MAPK10: variants seen among roughly 807,000 people sequenced by gnomAD.
MAPK10 encodes JNK3 alpha protein kinase.
Under a neutral mutation model 59.3 loss-of-function variants are expected in MAPK10, and 25 were observed. The observed-to-expected ratio is 0.42, with a 90% confidence interval of 0.31 to 0.59. The LOEUF (loss-of-function observed/expected upper bound fraction) is 0.59. MAPK10 is among the 20% of genes least tolerant of loss of function. The pLI is 0.15. For synonymous variants in MAPK10, 190 were observed against 200.5 expected (o/e 0.95, Z 0.44); for missense variants, 351 against 568.9 (o/e 0.62, Z 3.90).
chr4:86,502,086 TA>T (rs1755372465), intron 1 of MAPK10, among the ~76,000 whole-genome samples: 1 of 152,080 alleles, frequency 6.6e-6, no homozygotes, highest in Non-Finnish European at 1.5e-5. Context: ...AGTTCAAGTA[TA>T]AAGTCATCCA....
Position 86,591,617 on chromosome 4 carries a change from G to A in MAPK10, c.-263+2293C>T, listed in dbSNP as rs553551062. Among the ~76,000 whole-genome samples the A allele has an allele frequency of 2.0e-5, 3 of 152,198 alleles. No individual in the cohort carries two copies. In the South Asian group the frequency reaches 6.2e-4, roughly 32 times the overall value. Reference sequence around the variant, plus strand: ...TTGAACTCCTGGACTCAAGTGATCTGTCCACTTCAGCCTCCCAGAGTGTTG... The same window carrying A: ...TTGAACTCCTGGACTCAAGTGATCTATCCACTTCAGCCTCCCAGAGTGTTG... On this transcript the variant is annotated intron_variant, in intron 1 of 4. Transcript: ENST00000502302.
intron 2 of MAPK10, among the ~76,000 whole-genome samples, chr4:86,323,777 T>C (rs1051419706): frequency 3.3e-5 from 5 of 152,356 alleles, no homozygotes; most frequent in East Asian, 3.9e-4. Flanking sequence ...CAAAAGTCGA[T>C]TTCAGAATAA....
At chr4:86,497,817 C>G (rs1754990552) in intron 1 of MAPK10, among the ~76,000 whole-genome samples, 1 of 152,168 alleles carries the variant, frequency 6.6e-6, no homozygotes, top group Non-Finnish European at 1.5e-5. Flanking sequence ...CACTCCACTC[C>G]TCAGTCCCTA....
intron 2 of MAPK10, among the ~76,000 whole-genome samples, chr4:86,261,961 T>C (rs2094000985): frequency 6.6e-6 from 1 of 152,256 alleles, no homozygotes; most frequent in African/African-American, 2.4e-5. Context: ...AAGGTTCTTG[T>C]CCCATATGCT....
chr4:86,493,694 T>C (rs961744611), intron 1 of MAPK10, among the ~76,000 whole-genome samples: 1 of 152,224 alleles, frequency 6.6e-6, no homozygotes, highest in African/African-American at 2.4e-5. Flanking sequence ...GCTTTTCTCT[T>C]TAGTTCTAAG....
At chr4:86,127,374 C>T (rs116272950) in intron 4 of MAPK10, among the ~76,000 whole-genome samples, 2,902 of 151,988 alleles carry the variant, frequency 0.019, 40 homozygotes, top group South Asian at 0.065. Context: ...TTGATGTACT[C>T]CTAACACCAG....
chr4:86,334,674 T>C (rs543423593), intron 2 of MAPK10, among the ~76,000 whole-genome samples: 8 of 152,140 alleles, frequency 5.3e-5, no homozygotes, highest in African/African-American at 1.4e-4. Context: ...CATCTGACTA[T>C]TCCTATCCAA....
At chr4:86,280,996 T>C (rs965997992) in intron 2 of MAPK10, among the ~76,000 whole-genome samples, 1 of 152,042 alleles carries the variant, frequency 6.6e-6, no homozygotes, top group Non-Finnish European at 1.5e-5. Flanking sequence ...TAGGGTACAA[T>C]GCTCACTACC....
intron 1 of MAPK10, among the ~76,000 whole-genome samples, chr4:86,511,688 G>A (rs1756267803): frequency 6.8e-6 from 1 of 147,844 alleles, no homozygotes; most frequent in South Asian, 2.2e-4. Context: ...AAGAAGAACA[G>A]GAAGAAGAAG....
intron 4 of MAPK10, among the ~76,000 whole-genome samples, chr4:86,130,886 A>G (rs1301337947): frequency 5.3e-5 from 8 of 152,146 alleles, no homozygotes; most frequent in Non-Finnish European, 1.2e-4. Flanking sequence ...TTGGTATTAA[A>G]TTTAGAAGAG....
intron 2 of MAPK10, among the ~76,000 whole-genome samples, chr4:86,339,912 A>G (rs1453165159): frequency 1.3e-5 from 2 of 152,222 alleles, no homozygotes; most frequent in African/African-American, 2.4e-5. Flanking sequence ...TCTCATATAA[A>G]CCCTGGAAGG....
chr4:86,097,394 T>G (rs1214882050), intron 9 of MAPK10, among the ~76,000 whole-genome samples: 1 of 151,998 alleles, frequency 6.6e-6, no homozygotes, highest in Non-Finnish European at 1.5e-5. Context: ...CAGGTTTTTT[T>G]GTTTTTGTTT....
At chr4:86,116,310 T>C (rs2058283874) in intron 4 of MAPK10, among the ~76,000 whole-genome samples, 1 of 152,194 alleles carries the variant, frequency 6.6e-6, no homozygotes, top group Admixed American at 6.5e-5. Context: ...AGCATTCTGA[T>C]CAGAGTCTCC....
chr4:86,548,147 C>T (rs575585261), intron 1 of MAPK10, among the ~76,000 whole-genome samples: 84 of 152,216 alleles, frequency 5.5e-4, no homozygotes, highest in Admixed American at 8.5e-4. Flanking sequence ...ACACTCACCG[C>T]GAAGGTCTGC....
chr4:86,089,489 AC>A (rs2052644289), intron 9 of MAPK10: 1 of 393,298 alleles, frequency 2.5e-6, no homozygotes, highest in Admixed American at 4.1e-5. Flanking sequence ...AGAAATAACA[AC>A]ACTACCCAAT....
chr4:86,470,072 C>T (rs116370260), intron 1 of MAPK10, among the ~76,000 whole-genome samples: 1 of 152,274 alleles, frequency 6.6e-6, no homozygotes, highest in East Asian at 1.9e-4. Flanking sequence ...TGCTTTGCAG[C>T]TTTGTTTGTT....
At chr4:86,271,008 C>T (rs1255310601) in intron 2 of MAPK10, among the ~76,000 whole-genome samples, 1 of 151,934 alleles carries the variant, frequency 6.6e-6, no homozygotes, top group Non-Finnish European at 1.5e-5. Flanking sequence ...TGGACATATA[C>T]TTTCATTTCT....
At chr4:86,105,317 T>A (rs2056339280) in intron 5 of MAPK10, among the ~76,000 whole-genome samples, 4 of 152,144 alleles carry the variant, frequency 2.6e-5, no homozygotes, top group Admixed American at 2.6e-4. Context: ...GTTCCAGAAA[T>A]GTGTTTCTGT....
At chr4:86,549,064 T>C in intron 1 of MAPK10, among the ~76,000 whole-genome samples, 1 of 152,222 alleles carries the variant, frequency 6.6e-6, no homozygotes, top group South Asian at 2.1e-4. Flanking sequence ...ATTTTAATTT[T>C]AAAAAGCCAG....
Sources: gnomAD v4.1 joint callset for allele counts (sites outside exome capture counted in the v4.1 genomes callset) on GRCh38, gnomAD v4.1.1 for gene constraint, MANE v1.5 for transcripts, NCBI Gene and HGNC (gene_info 2026-07-23, HGNC 2026-07-21) for gene names.